The following DROSHA variants were observed in gnomAD, a reference collection of about 807,000 sequenced individuals.
DROSHA encodes the protein ribonuclease 3.
DROSHA carries 56 observed loss-of-function variants against 181.9 expected under a neutral mutation model. That is an observed-to-expected ratio of 0.31 (90% CI 0.25 to 0.38). The LOEUF is 0.38. Among genes scored for constraint, DROSHA ranks in the 10% least tolerant of loss-of-function variants. The pLI, the probability that DROSHA is intolerant of heterozygous loss-of-function variation, is 1.00. For missense variants in DROSHA, 1,218 were observed against 1,743.5 expected (o/e 0.70, Z 5.37); for synonymous variants, 524 against 591.2 (o/e 0.89, Z 1.65).
intron 30 of DROSHA, among the ~76,000 whole-genome samples, chr5:31,416,475 AT>A (rs1741966278): frequency 6.6e-6 from 1 of 151,866 alleles, no homozygotes; most frequent in Non-Finnish European, 1.5e-5. Flanking sequence ...CTTCTAGTCC[AT>A]TGGGGTAGGC....
In DROSHA at chr5:31,451,568, T is replaced by C. The variant is rs754538975; in HGVS notation, c.2647A>G (p.Ile883Val). Residue 883 changes from isoleucine to valine, a missense_variant, in exon 21 of 36, where the codon ATA becomes GTA. By Grantham distance (29) the Ile-to-Val change is conservative. Transcript: ENST00000344624. ...HQCLMHLDKLIGYTFQDRCLL... is the reference protein window; with the variant it reads ...HQCLMHLDKLVGYTFQDRCLL... The stretch of plus-strand genomic sequence containing the variant: ...CAACGATCTTGGAAAGTATATCCTA[T>C]CAACTTGTCCAAATGCATTAGGCAT... 17 of 1,612,632 alleles carry C rather than the reference T, an allele frequency of 1.1e-5. No individual in the cohort carries two copies. The highest frequency in any genetic ancestry group is 1.7e-5 in the Admixed American group (1 of 59,862).
chr5:31,413,103 C>A (rs575342595), intron 30 of DROSHA, among the ~76,000 whole-genome samples: 14 of 152,326 alleles, frequency 9.2e-5, no homozygotes, highest in Middle Eastern at 3.4e-3. Context: ...CCACCTGCCA[C>A]CTTCCAGTGT....
At position 31,405,738 on chromosome 5, in the gene DROSHA, AAAGT is replaced by A. The variant is rs750630883; in HGVS notation, c.3948-19_3948-16del. On this transcript the variant is annotated splice_polypyrimidine_tract_variant and intron_variant, in intron 34 of 35. Transcript: ENST00000344624. ...CTTGCTGAATACTATTAAATAAAAT[AAAGT>A]AAGACATACTTTAATTTCAAGATTC... is the stretch of plus-strand genomic sequence containing the variant. 17 of 1,492,618 alleles carry A rather than the reference AAAGT, an allele frequency of 1.1e-5. No homozygotes were observed. The highest frequency in any genetic ancestry group is 7.4e-5 in the East Asian group (3 of 40,522). The allele number at this position is 1,492,618 out of a possible 1,614,324, so 92.5% of individuals were successfully genotyped here.
Position 31,464,391 on chromosome 5 carries a change from T to G in DROSHA, c.2467-48A>C, listed in dbSNP as rs372985555. 9.7e-6 allele frequency: 15 copies of G among 1,544,324 alleles called. No homozygotes were observed. In the African/African-American group the frequency reaches 1.9e-4, roughly 20 times the overall value. ...GAGTAACACAACTGCTATAAAGCAA[T>G]AGTAAGCCAAACATCAAGCATTAGA... On this transcript the variant is annotated intron_variant, in intron 19 of 35. Transcript: ENST00000344624.
At position 31,405,790 on chromosome 5, in the gene DROSHA, T is replaced by TTTTTTC. The variant is rs1363584280; in HGVS notation, c.3948-68_3948-67insGAAAAA. 1.2e-5 allele frequency: 14 copies of TTTTTTC among 1,179,202 alleles called. No individual in the cohort carries two copies. In the African/African-American group the frequency reaches 2.4e-4, roughly 20 times the overall value. The allele number at this position is 1,179,202 out of a possible 1,614,324, so 73.0% of individuals were successfully genotyped here. On this transcript the variant is annotated intron_variant, in intron 34 of 35. Transcript: ENST00000344624. Reference sequence around the variant, plus strand: ...TTCTTTTTTTTTTTTTTTTTTTTTTTTCAAAAAATGCAAGGTATGGCTACA... The same window carrying TTTTTTC: ...TTCTTTTTTTTTTTTTTTTTTTTTTTTTTTTCTCAAAAAATGCAAGGTATGGCTACA...
intron 18 of DROSHA, 109 bp from the exon 19 acceptor site, chr5:31,466,390 G>T: frequency 2.2e-6 from 2 of 890,408 alleles, no homozygotes; most frequent in African/African-American, 1.7e-5. Flanking sequence ...ACATTCTTTT[G>T]ATTATTCTTA....
rs1740564333 is a variant in DROSHA at position 31,526,383 on chromosome 5, T to G, written c.550A>C (p.Ser184Arg). 5 of 1,613,372 alleles carry G rather than the reference T, an allele frequency of 3.1e-6. No individual in the cohort carries two copies. The highest frequency in any genetic ancestry group is 4.2e-6 in the Non-Finnish European group (5 of 1,179,804). Residue 184 changes from serine (S) to arginine (R), a missense_variant, in exon 5 of 36, where the codon AGT becomes CGT. Physicochemically the swap from Ser to Arg is moderately radical, Grantham distance 110. Transcript: ENST00000344624. ...AAAGAACTAGGGTTGTTCTGGAAAC[T>G]ATTAAAACTGGGAGGTGGGAAGTTG... ...HHNFPPPSFNSFQNNPSSFLP... is the reference protein window; with the variant it reads ...HHNFPPPSFNRFQNNPSSFLP...
chr5:31,420,150 G>A (rs997378662), intron 30 of DROSHA, among the ~76,000 whole-genome samples: 1 of 152,232 alleles, frequency 6.6e-6, no homozygotes, highest in East Asian at 1.9e-4. Flanking sequence ...ACTATTTCCA[G>A]GGCTCACTCA....
intron 24 of DROSHA, among the ~76,000 whole-genome samples, chr5:31,436,557 T>C (rs1286958220): frequency 1.3e-5 from 2 of 152,164 alleles, no homozygotes; most frequent in African/African-American, 2.4e-5. Flanking sequence ...CACACCTGGC[T>C]AATTTTTGAA....
chr5:31,453,778 C>T (rs748937891), intron 20 of DROSHA, among the ~76,000 whole-genome samples: 6 of 152,142 alleles, frequency 3.9e-5, no homozygotes, highest in Admixed American at 6.5e-5. Flanking sequence ...ATAGATGACC[C>T]GTGTCCATCT....
intron 11 of DROSHA, among the ~76,000 whole-genome samples, chr5:31,496,131 AC>A (rs1389954696): frequency 1.3e-5 from 2 of 152,182 alleles, no homozygotes; most frequent in African/African-American, 4.8e-5. Flanking sequence ...GATGGGACTC[AC>A]CTTAAAAACA....
intron 5 of DROSHA, among the ~76,000 whole-genome samples, chr5:31,522,578 C>T (rs1378513911): frequency 6.6e-6 from 1 of 152,148 alleles, no homozygotes; most frequent in East Asian, 1.9e-4. Flanking sequence ...ATTAGTAACA[C>T]TATTAAGACA....
At chr5:31,469,262 C>T (rs1430979645) in intron 17 of DROSHA, among the ~76,000 whole-genome samples, 1 of 152,042 alleles carries the variant, frequency 6.6e-6, no homozygotes, top group African/African-American at 2.4e-5. Flanking sequence ...GGGGCTGAGG[C>T]AGGAGAATCA....
At chr5:31,491,079 T>C (rs74952546) in intron 13 of DROSHA, among the ~76,000 whole-genome samples, 6,464 of 151,898 alleles carry the variant, frequency 0.043, 452 homozygotes, top group African/African-American at 0.15. Flanking sequence ...AAAACTACTA[T>C]TTTTTTTAAA....
At chr5:31,412,103 A>C (rs1741381705) in intron 30 of DROSHA, among the ~76,000 whole-genome samples, 3 of 152,246 alleles carry the variant, frequency 2.0e-5, no homozygotes, top group South Asian at 4.1e-4. Flanking sequence ...TCCATTATAG[A>C]AGTGTCCATA....
chr5:31,494,722 G>A (rs556254751), intron 12 of DROSHA, among the ~76,000 whole-genome samples: 4 of 152,000 alleles, frequency 2.6e-5, no homozygotes, highest in African/African-American at 9.7e-5. Flanking sequence ...GTCTCACACT[G>A]TCGCCCAGGC....
rs1174681927 is a variant in DROSHA, at chr5:31,517,985, A to G, written c.948-2421T>C. ...AAATTATAGATTACAGTCATATGTCACTAACAACAACAGAGATATAGTCTA... is the reference window on the plus strand; with the variant it reads ...AAATTATAGATTACAGTCATATGTCGCTAACAACAACAGAGATATAGTCTA... On this transcript the variant is annotated intron_variant, in intron 6 of 35. Transcript: ENST00000344624. Among the ~76,000 whole-genome samples, 6 of 152,372 alleles carry G rather than the reference A, an allele frequency of 3.9e-5. No individual in the cohort carries two copies. The East Asian group carries it at 5.8e-4, about 15-fold the overall frequency.
intron 27 of DROSHA, among the ~76,000 whole-genome samples, chr5:31,427,417 A>G (rs1743617601): frequency 6.6e-6 from 1 of 152,212 alleles, no homozygotes; most frequent in African/African-American, 2.4e-5. Context: ...TGAAAAAGAA[A>G]AAAACAGCCC....
chr5:31,509,432 T>C (rs182628414), intron 9 of DROSHA, among the ~76,000 whole-genome samples: 5 of 152,278 alleles, frequency 3.3e-5, no homozygotes, highest in African/African-American at 9.6e-5. Flanking sequence ...TTCACTGGGA[T>C]CCAGAAAGGC....
Sources: gnomAD v4.1 joint callset for allele counts (sites outside exome capture counted in the v4.1 genomes callset) on GRCh38, gnomAD v4.1.1 for gene constraint, MANE v1.5 for transcripts, NCBI Gene and HGNC (gene_info 2026-07-23, HGNC 2026-07-21) for gene names.